Variants in SRD5A2 observed in about 807,000 individuals in gnomAD.
SRD5A2 encodes steroid 5 alpha-reductase 2, also known as 3-oxo-5-alpha-steroid 4-dehydrogenase 2.
A neutral mutation model predicts 27.4 loss-of-function variants in SRD5A2; 30 were observed. That is an observed-to-expected ratio of 1.10 (90% CI 0.82 to 1.49). The LOEUF is 1.49. Among genes scored for constraint, SRD5A2 ranks in the 40% most tolerant of loss-of-function variants. The probability of loss-of-function intolerance (pLI) is 0.00; values close to 1 mark genes in which losing one functional copy is unlikely to be tolerated. For synonymous variants in SRD5A2, 141 were observed against 133.6 expected (o/e 1.06, Z -0.38); for missense variants, 348 against 323.4 (o/e 1.08, Z -0.58).
At chr2:31,633,410 G>A in the SRD5A2 span, among the ~76,000 whole-genome samples, 1 of 152,038 alleles carries the variant, frequency 6.6e-6, no homozygotes, top group Non-Finnish European at 1.5e-5. Context: ...CAGGGCCTGT[G>A]AAGTGTGCCA....
At chr2:31,560,209 A>G (rs1444798337) in intron 1 of SRD5A2, among the ~76,000 whole-genome samples, 1 of 152,134 alleles carries the variant, frequency 6.6e-6, no homozygotes, top group Non-Finnish European at 1.5e-5. Context: ...CTAATGGGAC[A>G]TTCCATTCTT....
chr2:31,582,636 CAA>C (rs1298737573), upstream of SRD5A2, among the ~76,000 whole-genome samples: 5 of 152,258 alleles, frequency 3.3e-5, no homozygotes, highest in African/African-American at 1.2e-4. Context: ...AGATTGCCAG[CAA>C]AGATATGAGC....
intron 2 of SRD5A2, among the ~76,000 whole-genome samples, chr2:31,533,123 C>G (rs1665951280): frequency 6.6e-6 from 1 of 152,078 alleles, no homozygotes; most frequent in African/African-American, 2.4e-5. Flanking sequence ...ATGTGTAGCC[C>G]AAGGCAATTC....
At chr2:31,560,525 C>A (rs1334571326) in intron 1 of SRD5A2, among the ~76,000 whole-genome samples, 1 of 152,210 alleles carries the variant, frequency 6.6e-6, no homozygotes. Flanking sequence ...AGGCTCCTGG[C>A]CTTTGGGTGT....
At chr2:31,536,153 G>T (rs771651045) in intron 1 of SRD5A2, among the ~76,000 whole-genome samples, 3 of 152,296 alleles carry the variant, frequency 2.0e-5, no homozygotes, top group Non-Finnish European at 2.9e-5. Context: ...GCCTGAAGGT[G>T]ACTTCTTAGA....
chr2:31,655,347 C>A, the SRD5A2 span, among the ~76,000 whole-genome samples: 2 of 152,166 alleles, frequency 1.3e-5, no homozygotes, highest in African/African-American at 2.4e-5. Context: ...GTGATCCACC[C>A]GCCTCGGCCT....
chr2:31,612,909 C>T, the SRD5A2 span, among the ~76,000 whole-genome samples: 1 of 152,096 alleles, frequency 6.6e-6, no homozygotes, highest in Non-Finnish European at 1.5e-5. Flanking sequence ...CAAGAACACA[C>T]CATAGGGAAA....
chr2:31,545,159 C>T (rs1666218385), intron 1 of SRD5A2, among the ~76,000 whole-genome samples: 1 of 151,768 alleles, frequency 6.6e-6, no homozygotes, highest in African/African-American at 2.4e-5. Flanking sequence ...AAAGAACTAA[C>T]CCCAATTGTT....
the SRD5A2 span, among the ~76,000 whole-genome samples, chr2:31,598,488 A>G: frequency 6.6e-6 from 1 of 151,994 alleles, no homozygotes; most frequent in Non-Finnish European, 1.5e-5. Flanking sequence ...ACATAGTACA[A>G]TAAGATAAAA....
Position 31,542,099 on chromosome 2 carries a change from AGT to A in SRD5A2, c.282-8335_282-8334del. ...GGACACCAGCCAGGGTGGCTAAGGA[AGT>A]GCTTGTGCCATTCCTCCTGCAACAC... On this transcript the variant is annotated intron_variant, in intron 1 of 4. Transcript: ENST00000622030. Among the ~76,000 whole-genome samples, 6 of 152,338 alleles carry A rather than the reference AGT, an allele frequency of 3.9e-5. 1 individual carries two copies. Among genetic ancestry groups the A allele is most frequent in the Admixed American group, 3.9e-4 (6 of 15,298 alleles).
chr2:31,581,625 G>C (rs1378313237), upstream of SRD5A2, among the ~76,000 whole-genome samples: 11 of 152,188 alleles, frequency 7.2e-5, no homozygotes, highest in Admixed American at 7.2e-4. Flanking sequence ...CTGGGTCAGA[G>C]AGGAGCGTCC....
chr2:31,542,465 G>A (rs939981148), intron 1 of SRD5A2, among the ~76,000 whole-genome samples: 1 of 152,012 alleles, frequency 6.6e-6, no homozygotes, highest in Non-Finnish European at 1.5e-5. Flanking sequence ...TGAGCTAACT[G>A]AACCATGTAC....
chr2:31,624,067 T>G, the SRD5A2 span, among the ~76,000 whole-genome samples: 1 of 152,108 alleles, frequency 6.6e-6, no homozygotes, highest in South Asian at 2.1e-4. Context: ...AAATTTTCTT[T>G]TTTTGTTGCT....
rs1356543775 is a variant in SRD5A2 at position 31,533,558 on chromosome 2, G to C, written c.445+45C>G. 8 of 1,531,264 alleles carry C rather than the reference G, an allele frequency of 5.2e-6. No homozygotes were observed. The South Asian group carries it at 9.6e-5, about 18-fold the overall frequency. The allele number at this position is 1,531,264 out of a possible 1,614,324, so 94.9% of individuals were successfully genotyped here. On this transcript the variant is annotated intron_variant, in intron 2 of 4. Coordinates refer to ENST00000622030, the MANE Select transcript of SRD5A2 (RefSeq NM_000348.4). ...CCATGGCGATGTAGATTGTGGGAAG[G>C]GTTGTTAGCTGGGAAGTAGGTGAGA...
the SRD5A2 span, among the ~76,000 whole-genome samples, chr2:31,590,964 A>G: frequency 1.3e-5 from 2 of 152,224 alleles, no homozygotes; most frequent in African/African-American, 4.8e-5. Flanking sequence ...TAAATGTTAG[A>G]CCTAAAACCA....
At chr2:31,662,235 A>G in the SRD5A2 span, among the ~76,000 whole-genome samples, 5,329 of 152,242 alleles carry the variant, frequency 0.035, 115 homozygotes, top group Middle Eastern at 0.065. Context: ...TATGAATGAC[A>G]TGTTGTAGAG....
chr2:31,610,361 G>T, the SRD5A2 span, among the ~76,000 whole-genome samples: 1 of 152,144 alleles, frequency 6.6e-6, no homozygotes, highest in East Asian at 1.9e-4. Flanking sequence ...GGGATGAAGA[G>T]ATGCTTCAAC....
rs189892484 is a variant in SRD5A2, at chr2:31,577,715, C to T, written c.281+2905G>A. Among the ~76,000 whole-genome samples, 18 of 152,250 alleles carry T rather than the reference C, an allele frequency of 1.2e-4. No individual in the cohort carries two copies. The East Asian group carries it at 1.7e-3, about 15-fold the overall frequency. On this transcript the variant is annotated intron_variant, in intron 1 of 4. Transcript: ENST00000622030. ...TAGCAACACACAGCACGAGATAAAG[C>T]CAAGACAGCCTGATGCTTGTTCCTT...
chr2:31,595,265 A>T, the SRD5A2 span, among the ~76,000 whole-genome samples: 1 of 152,326 alleles, frequency 6.6e-6, no homozygotes, highest in Non-Finnish European at 1.5e-5. Flanking sequence ...TGAAACAAAA[A>T]GTTGATTCTT....
Sources: gnomAD v4.1 joint callset for allele counts (sites outside exome capture counted in the v4.1 genomes callset) on GRCh38, gnomAD v4.1.1 for gene constraint, MANE v1.5 for transcripts, NCBI Gene and HGNC (gene_info 2026-07-23, HGNC 2026-07-21) for gene names.